ERBB4: variants seen among roughly 807,000 people sequenced by gnomAD.
ERBB4 encodes the protein erb-b2 receptor tyrosine kinase 4.
ERBB4 carries 42 observed loss-of-function variants against 158.0 expected under a neutral mutation model. The observed-to-expected ratio is 0.27, with a 90% CI of 0.21 to 0.34. The LOEUF (loss-of-function observed/expected upper bound fraction) is 0.34, where lower values mean the gene tolerates loss of function less well. ERBB4 is among the 10% of genes least tolerant of loss of function. The pLI is 1.00. For missense variants in ERBB4, 1,333 were observed against 1,624.1 expected (o/e 0.82, Z 3.08); for synonymous variants, 583 against 558.7 (o/e 1.04, Z -0.61).
intron 3 of ERBB4, among the ~76,000 whole-genome samples, chr2:211,869,686 A>G (rs1487030830): frequency 6.6e-6 from 1 of 152,214 alleles, no homozygotes; most frequent in Non-Finnish European, 1.5e-5. Flanking sequence ...AAAATATAAC[A>G]TTGGACCCCC....
At chr2:212,247,575 A>G (rs2084356429) in intron 1 of ERBB4, among the ~76,000 whole-genome samples, 1 of 152,214 alleles carries the variant, frequency 6.6e-6, no homozygotes, top group African/African-American at 2.4e-5. Flanking sequence ...GGAGCCTTCA[A>G]CATACATTCA....
At chr2:212,474,713 AGTC>A (rs1689287893) in intron 1 of ERBB4, among the ~76,000 whole-genome samples, 1 of 151,920 alleles carries the variant, frequency 6.6e-6, no homozygotes, top group South Asian at 2.1e-4. Flanking sequence ...CTCCTAACAC[AGTC>A]AAGTTCTTAT....
chr2:211,406,303 T>C (rs192070762), intron 25 of ERBB4, among the ~76,000 whole-genome samples: 92 of 152,328 alleles, frequency 6.0e-4, no homozygotes, highest in Non-Finnish European at 9.8e-4. Flanking sequence ...ATATAGTAGA[T>C]ACCTAAATAA....
chr2:211,400,946 A>G (rs541308464), intron 25 of ERBB4, among the ~76,000 whole-genome samples: 1 of 152,238 alleles, frequency 6.6e-6, no homozygotes, highest in African/African-American at 2.4e-5. Context: ...AAAATTTTTA[A>G]AAAGTTTAAA....
At chr2:211,863,501 G>A (rs2078123426) in intron 3 of ERBB4, among the ~76,000 whole-genome samples, 2 of 152,162 alleles carry the variant, frequency 1.3e-5, no homozygotes, top group African/African-American at 4.8e-5. Context: ...TACCACAGGG[G>A]TCTGCGGCTT....
chr2:211,421,063 T>C (rs1229866336), intron 24 of ERBB4, among the ~76,000 whole-genome samples: 1 of 151,960 alleles, frequency 6.6e-6, no homozygotes, highest in East Asian at 1.9e-4. Context: ...ACTGACTGCA[T>C]TATCAAAGTA....
chr2:211,393,786 T>G (rs2125335572), intron 25 of ERBB4, among the ~76,000 whole-genome samples: 1 of 148,748 alleles, frequency 6.7e-6, no homozygotes, highest in Non-Finnish European at 1.5e-5. Context: ...TGTGTGTGTA[T>G]TTTTCCATTC....
chr2:211,659,818 ACAGATG>A (rs2071351932), intron 15 of ERBB4, among the ~76,000 whole-genome samples: 1 of 152,202 alleles, frequency 6.6e-6, no homozygotes, highest in South Asian at 2.1e-4. Context: ...AATGAAGGAG[ACAGATG>A]CATAAACAGA....
intron 3 of ERBB4, among the ~76,000 whole-genome samples, chr2:211,837,251 G>A (rs919928442): frequency 6.6e-6 from 1 of 152,022 alleles, no homozygotes; most frequent in Non-Finnish European, 1.5e-5. Context: ...ATGACTTGAA[G>A]AGTTTCCACC....
intron 1 of ERBB4, among the ~76,000 whole-genome samples, chr2:212,517,595 T>C (rs1357024298): frequency 6.6e-6 from 1 of 152,034 alleles, no homozygotes; most frequent in Non-Finnish European, 1.5e-5. Flanking sequence ...GTGACTGCAT[T>C]CCAAGGTTGC....
chr2:212,346,542 T>C (rs1307617396), intron 1 of ERBB4, among the ~76,000 whole-genome samples: 1 of 152,116 alleles, frequency 6.6e-6, no homozygotes, highest in Non-Finnish European at 1.5e-5. Flanking sequence ...TTTTAAATGT[T>C]TTAATGTTTT....
chr2:212,023,489 T>C (rs768318351), intron 2 of ERBB4, among the ~76,000 whole-genome samples: 1 of 140,624 alleles, frequency 7.1e-6, no homozygotes, highest in Non-Finnish European at 1.6e-5. Context: ...AAGTATTAGA[T>C]TAATAAAAGC....
At chr2:212,206,321 C>A (rs1245854511) in intron 1 of ERBB4, among the ~76,000 whole-genome samples, 1 of 152,116 alleles carries the variant, frequency 6.6e-6, no homozygotes, top group Non-Finnish European at 1.5e-5. Flanking sequence ...GGGTTCAAAT[C>A]CTAGGATTGC....
At chr2:212,487,723 T>C (rs1225612214) in intron 1 of ERBB4, among the ~76,000 whole-genome samples, 1 of 152,086 alleles carries the variant, frequency 6.6e-6, no homozygotes, top group Non-Finnish European at 1.5e-5. Context: ...CTATTTGCTA[T>C]AATAGCATAA....
rs201036958 is a variant in ERBB4 at position 212,471,490 on chromosome 2, TG to T, written c.82+66958del. 8.9e-3 allele frequency among the ~76,000 whole-genome samples: 1,352 copies of T among 152,028 alleles called. 22 individuals carry two copies. The highest frequency in any genetic ancestry group is 0.031 in the African/African-American group (1,294 of 41,574). On this transcript the variant is annotated intron_variant, in intron 1 of 27. Coordinates refer to ENST00000342788, the MANE Select transcript of ERBB4 (RefSeq NM_005235.3). The stretch of plus-strand genomic sequence containing the variant: ...ACTACAACCAATAAATCGAGATCTC[TG>T]CAACATTGAAAATTAAGTATGATCT...
intron 2 of ERBB4, among the ~76,000 whole-genome samples, chr2:211,991,493 A>C (rs769738044): frequency 3.3e-5 from 5 of 152,172 alleles, no homozygotes; most frequent in Non-Finnish European, 5.9e-5. Flanking sequence ...CTTTCATATA[A>C]ATATTAGAAC....
At chr2:212,051,114 G>C (rs1350705248) in intron 2 of ERBB4, among the ~76,000 whole-genome samples, 1 of 152,152 alleles carries the variant, frequency 6.6e-6, no homozygotes, top group Non-Finnish European at 1.5e-5. Flanking sequence ...TGTTTAGAAA[G>C]AATGCCTACA....
At chr2:211,993,695 T>A (rs780679464) in intron 2 of ERBB4, among the ~76,000 whole-genome samples, 6 of 151,776 alleles carry the variant, frequency 4.0e-5, no homozygotes, top group Non-Finnish European at 8.8e-5. Context: ...GGTATGACAT[T>A]TTTGCCCCCG....
chr2:212,411,689 G>T (rs1430268885), intron 1 of ERBB4, among the ~76,000 whole-genome samples: 4 of 151,972 alleles, frequency 2.6e-5, no homozygotes, highest in Non-Finnish European at 5.9e-5. Context: ...TCTCCCCTAG[G>T]TAGTTTTGTG....
Sources: allele counts gnomAD v4.1 joint callset (sites outside exome capture counted in the v4.1 genomes callset), GRCh38; gene constraint gnomAD v4.1.1; transcripts MANE v1.5; gene names NCBI Gene and HGNC (gene_info 2026-07-23, HGNC 2026-07-21).